Variants in ISX observed in about 807,000 individuals in gnomAD.
ISX encodes intestine-specific homeobox.
Under a neutral mutation model 16.9 loss-of-function variants are expected in ISX, and 15 were observed. The observed-to-expected ratio is 0.89, with a 90% CI of 0.59 to 1.36. The LOEUF (loss-of-function observed/expected upper bound fraction) is 1.36. Among genes scored for constraint, ISX ranks in the 40% most tolerant of loss-of-function variants. ISX has a pLI of 0.00. For synonymous variants in ISX, 125 were observed against 119.7 expected (o/e 1.04, Z -0.29); for missense variants, 316 against 306.1 (o/e 1.03, Z -0.24).
chr22:35,084,580 A>G, intron 4 of ISX, 81 bp downstream of exon 4: 3 of 870,330 alleles, frequency 3.4e-6, no homozygotes, highest in Non-Finnish European at 5.5e-6. Flanking sequence ...GTGAAGAAGC[A>G]CCTCGGGGGC....
chr22:35,070,479 C>T (rs913921819), intron 2 of ISX, among the ~76,000 whole-genome samples: 7 of 152,222 alleles, frequency 4.6e-5, no homozygotes, highest in African/African-American at 1.7e-4. Context: ...GTGGGGAAAT[C>T]ATAGGCCCCA....
At chr22:35,072,079 A>G (rs1288009926) in intron 2 of ISX, among the ~76,000 whole-genome samples, 1 of 152,192 alleles carries the variant, frequency 6.6e-6, no homozygotes, top group Admixed American at 6.5e-5. Context: ...ATGTGGAGTT[A>G]AAAACAGGCA....
At chr22:35,079,073 T>C (rs1929060110) in intron 2 of ISX, among the ~76,000 whole-genome samples, 1 of 152,220 alleles carries the variant, frequency 6.6e-6, no homozygotes, top group African/African-American at 2.4e-5. Context: ...TTTTCTACTA[T>C]CCAATGACAG....
intron 3 of ISX, 97 bp from the exon 4 acceptor site, chr22:35,084,284 TAC>T (rs1929192217): frequency 2.5e-6 from 2 of 785,592 alleles, no homozygotes; most frequent in Admixed American, 4.1e-5. Context: ...AACTATAAAG[TAC>T]AGTCCCTTGG....
intron 2 of ISX, among the ~76,000 whole-genome samples, chr22:35,074,169 C>T (rs985954308): frequency 5.9e-5 from 9 of 152,212 alleles, no homozygotes; most frequent in African/African-American, 1.9e-4. Context: ...TTTCCAATAG[C>T]TCCAAGAGTT....
chr22:35,080,251 A>G (rs1929093814), intron 2 of ISX, among the ~76,000 whole-genome samples: 1 of 152,148 alleles, frequency 6.6e-6, no homozygotes, highest in South Asian at 2.1e-4. Context: ...ACCCATTCCC[A>G]TGACTACAAA....
chr22:35,075,445 TG>T (rs1928956232), intron 2 of ISX, among the ~76,000 whole-genome samples: 1 of 152,152 alleles, frequency 6.6e-6, no homozygotes, highest in African/African-American at 2.4e-5. Context: ...AGGCTTTCAT[TG>T]AGATGCATGA....
intron 2 of ISX, among the ~76,000 whole-genome samples, chr22:35,080,518 A>G (rs1019101623): frequency 1.3e-5 from 2 of 152,220 alleles, no homozygotes; most frequent in African/African-American, 4.8e-5. Context: ...AAGATAATCC[A>G]TCAATCTCAC....
At chr22:35,077,030 G>A (rs1431117275) in intron 2 of ISX, among the ~76,000 whole-genome samples, 1 of 152,146 alleles carries the variant, frequency 6.6e-6, no homozygotes, top group African/African-American at 2.4e-5. Flanking sequence ...GAGATGCTGG[G>A]CTGGATGGGA....
chr22:35,070,764 T>C (rs1928830221), intron 2 of ISX, among the ~76,000 whole-genome samples: 1 of 152,234 alleles, frequency 6.6e-6, no homozygotes, highest in Non-Finnish European at 1.5e-5. Context: ...TCTGCCCATC[T>C]TGTCTGATGG....
chr22:35,074,547 C>A (rs1883385), intron 2 of ISX, among the ~76,000 whole-genome samples: 86,472 of 152,052 alleles, frequency 0.57, 25,085 homozygotes, highest in Middle Eastern at 0.65. Context: ...ATTTGTTGGC[C>A]AGAAATGTCT....
chr22:35,085,289 G>T (rs1436828124), intron 4 of ISX, among the ~76,000 whole-genome samples, 165 bp from the exon 5 acceptor site: 1 of 152,080 alleles, frequency 6.6e-6, no homozygotes, highest in Non-Finnish European at 1.5e-5. Context: ...GGTTTGCATG[G>T]GTCCACACAG....
rs981826952 is a variant in ISX at position 35,085,779 on chromosome 22, C to T, written c.*86C>T. ...ATGTGCCCTGGGCCTCTGGGGAAAT[C>T]GATTTCACAATCCAAAAATGGCCCA... On this transcript the variant is annotated 3_prime_UTR_variant, in exon 5 of 5. Coordinates refer to ENST00000404699, the MANE Select transcript of ISX (RefSeq NM_001303508.2). 1.7e-5 allele frequency: 26 copies of T among 1,566,680 alleles called. No individual in the cohort carries two copies. The East Asian group carries it at 2.5e-4, about 15-fold the overall frequency.
intron 2 of ISX, among the ~76,000 whole-genome samples, chr22:35,076,523 G>C (rs960722986): frequency 2.0e-5 from 3 of 152,170 alleles, no homozygotes; most frequent in African/African-American, 7.2e-5. Flanking sequence ...TGTGTCAGGA[G>C]GTGTCCCCAG....
intron 2 of ISX, among the ~76,000 whole-genome samples, chr22:35,068,789 G>A (rs988925469): frequency 9.2e-5 from 14 of 152,160 alleles, no homozygotes; most frequent in African/African-American, 2.7e-4. Context: ...TGGTGACATC[G>A]GATGGTGGTA....
At chr22:35,073,968 G>C (rs181049443) in intron 2 of ISX, among the ~76,000 whole-genome samples, 1 of 152,354 alleles carries the variant, frequency 6.6e-6, no homozygotes, top group African/African-American at 2.4e-5. Flanking sequence ...CTAAAATGGA[G>C]AGGGACATGT....
chr22:35,085,867 A>T lies in ISX; in HGVS notation c.*174A>T. ...GCTGCACCAGACTCAAAAGCAAACT[A>T]AACAATAAAGGACAGCTCTCTTCTC... On this transcript the variant is annotated 3_prime_UTR_variant, in exon 5 of 5. Coordinates refer to ENST00000404699, the MANE Select transcript of ISX (RefSeq NM_001303508.2). The T allele has an allele frequency of 2.8e-6, 2 of 713,018 alleles. No homozygotes were observed. The highest frequency in any genetic ancestry group is 4.7e-6 in the Non-Finnish European group (2 of 428,484). 44.2% of individuals were successfully genotyped at this position (713,018 alleles called of 1,614,324 possible).
chr22:35,084,327 T>C (rs1929192793), intron 3 of ISX, 56 bp from the exon 4 acceptor site: 3 of 1,090,778 alleles, frequency 2.8e-6, no homozygotes, highest in African/African-American at 1.5e-5. Context: ...TTGGGGGAAG[T>C]GGTATTAGAT....
At chr22:35,075,763 T>G (rs936752765) in intron 2 of ISX, among the ~76,000 whole-genome samples, 3 of 152,020 alleles carry the variant, frequency 2.0e-5, no homozygotes, top group Non-Finnish European at 2.9e-5. Flanking sequence ...GCCTAGAGAG[T>G]GCTAAGCCAG....
Sources: gnomAD v4.1 joint callset for allele counts (sites outside exome capture counted in the v4.1 genomes callset) on GRCh38, gnomAD v4.1.1 for gene constraint, MANE v1.5 for transcripts, NCBI Gene and HGNC (gene_info 2026-07-23, HGNC 2026-07-21) for gene names.